The following POGLUT1 variants were observed in gnomAD, a reference collection of about 807,000 sequenced individuals.
POGLUT1 encodes the protein 9630046K23Rik.
In POGLUT1, 32 loss-of-function variants were observed where a neutral mutation model predicts 61.3. That is an observed-to-expected ratio of 0.52 (90% CI 0.39 to 0.70). The LOEUF (loss-of-function observed/expected upper bound fraction) is 0.70, where lower values mean the gene tolerates loss of function less well. Among genes scored for constraint, POGLUT1 ranks in the 30% least tolerant of loss-of-function variants. The pLI, the probability that POGLUT1 is intolerant of heterozygous loss-of-function variation, is 0.00. For synonymous variants in POGLUT1, 158 were observed against 158.2 expected, an observed-to-expected ratio of 1.00 and a Z score of 0.01; for missense variants, 411 against 469.8, an observed-to-expected ratio of 0.87 and a Z score of 1.16.
In POGLUT1 at chr3:119,485,315, T is replaced by C; in HGVS notation, c.579-13T>C. ...AAAGATATATTGAAACTAATTAAATTCTATATTCTTAGGTCAGCAGCACAG... is the reference window on the plus strand; with the variant it reads ...AAAGATATATTGAAACTAATTAAATCCTATATTCTTAGGTCAGCAGCACAG... On this transcript the variant is annotated splice_polypyrimidine_tract_variant and intron_variant, in intron 5 of 10. Transcript: ENST00000295588. 6.5e-7 allele frequency: 1 copy of C among 1,541,922 alleles called. No homozygotes were observed.
At chr3:119,491,342 G>GT (rs201814181) in intron 9 of POGLUT1, among the ~76,000 whole-genome samples, 176 bp from the exon 10 acceptor site, 126 of 148,730 alleles carry the variant, frequency 8.5e-4, no homozygotes, top group African/African-American at 2.9e-3. Context: ...AGTGTGTGGG[G>GT]GTTTTTTTTT....
intron 5 of POGLUT1, among the ~76,000 whole-genome samples, chr3:119,483,703 G>A (rs1325134626): frequency 6.6e-6 from 1 of 152,180 alleles, no homozygotes; most frequent in Non-Finnish European, 1.5e-5. Flanking sequence ...ATTTGGGGCT[G>A]GATAATTCTT....
chr3:119,474,536 A>C (rs1288910998), intron 3 of POGLUT1, among the ~76,000 whole-genome samples: 2 of 152,150 alleles, frequency 1.3e-5, no homozygotes, highest in African/African-American at 4.8e-5. Context: ...AAGAGAGTAT[A>C]TTTGAAAAGC....
intron 6 of POGLUT1, among the ~76,000 whole-genome samples, chr3:119,486,077 C>T (rs1009604672): frequency 3.3e-5 from 5 of 152,198 alleles, no homozygotes; most frequent in African/African-American, 9.7e-5. Flanking sequence ...CTCTTCACTT[C>T]GGAGCTAGAC....
At chr3:119,485,490 AG>A in intron 6 of POGLUT1, 103 bp downstream of exon 6, 1 of 647,380 alleles carries the variant, frequency 1.5e-6, no homozygotes, top group Non-Finnish European at 2.7e-6. Context: ...GGGAAAGCTA[AG>A]ATAACAAAGA....
chr3:119,474,292 T>C (rs2081510658), intron 3 of POGLUT1, among the ~76,000 whole-genome samples: 1 of 152,206 alleles, frequency 6.6e-6, no homozygotes, highest in South Asian at 2.1e-4. Flanking sequence ...TGTACAATTA[T>C]TATTTATCAA....
At chr3:119,478,873 C>T (rs2081572046) in intron 4 of POGLUT1, among the ~76,000 whole-genome samples, 1 of 144,040 alleles carries the variant, frequency 6.9e-6, no homozygotes, top group Non-Finnish European at 1.5e-5. Flanking sequence ...CTTTGGGAGG[C>T]CGAGGCAGGT....
At chr3:119,475,954 C>CACA (rs2081531305) in intron 3 of POGLUT1, among the ~76,000 whole-genome samples, 2 of 130,952 alleles carry the variant, frequency 1.5e-5, no homozygotes, top group Admixed American at 7.7e-5. Context: ...GACTGTCTCT[C>CACA]CACACACACA....
intron 4 of POGLUT1, 62 bp downstream of exon 4, chr3:119,477,510 A>G (rs750182071): frequency 7.9e-6 from 12 of 1,515,116 alleles, no homozygotes; most frequent in Non-Finnish European, 1.1e-5. Context: ...TGAGCATGAG[A>G]TCTTTGTCCG....
rs1478968465 is a variant in POGLUT1 at position 119,490,602 on chromosome 3, C to T, written c.849C>T (p.Leu283=). Residue 283 remains leucine (L), a synonymous_variant, in exon 9 of 11, where the codon CTC becomes CTT. Coordinates refer to ENST00000295588, the MANE Select transcript of POGLUT1 (RefSeq NM_152305.3). ...GVAASFRFKH[L]FLCGSLVFHV... ...CTGCAAGTTTCCGGTTTAAACACCT[C>T]TTCCTGTGTGGCTCACTTGTTTTCC... 1 of 1,614,164 alleles carries T rather than the reference C, an allele frequency of 6.2e-7. No individual in the cohort carries two copies. Among genetic ancestry groups the T allele is most frequent in the Non-Finnish European group, 8.5e-7 (1 of 1,179,992 alleles).
intron 3 of POGLUT1, among the ~76,000 whole-genome samples, chr3:119,475,983 CACACACACACAAACACAT>C (rs1275158687): frequency 2.8e-4 from 30 of 107,166 alleles, no homozygotes; most frequent in Admixed American, 3.9e-4. Flanking sequence ...CACACACACA[CACACACACACAAACACAT>C]ACAGAGTTGC....
In POGLUT1 at chr3:119,479,976, C is replaced by A. The variant is rs1335780612; in HGVS notation, c.457-75C>A. On this transcript the variant is annotated intron_variant, in intron 4 of 10. Transcript: ENST00000295588. ...ACACTAAACCAAGGCTGTCCAGATC[C>A]TGTGGCATGATTGCAGTTGCCTCTT... is the stretch of plus-strand genomic sequence containing the variant. The A allele has an allele frequency of 3.1e-6, 5 of 1,601,836 alleles. No individual in the cohort carries two copies. The African/African-American group carries it at 6.7e-5, about 21-fold the overall frequency.
rs769131679 is a variant in POGLUT1 at position 119,488,965 on chromosome 3, C to T, written c.775C>T (p.Leu259Phe). The T allele has an allele frequency of 2.0e-5, 32 of 1,590,938 alleles. No individual in the cohort carries two copies. The highest frequency in any genetic ancestry group is 2.7e-5 in the Non-Finnish European group (31 of 1,161,492). Reference sequence around the variant, plus strand: ...AAAGCCAGCTGCTAAGGATGTCCATCTTGTGGATCACTGCAAATACAAGTA... The same window carrying T: ...AAAGCCAGCTGCTAAGGATGTCCATTTTGTGGATCACTGCAAATACAAGTA... ...LGKPAAKDVH[L>F]VDHCKYKYLF... Residue 259 changes from leucine to phenylalanine, a missense_variant, in exon 8 of 11, where the codon CTT becomes TTT. Leu to Phe is a conservative substitution (Grantham distance 22). Coordinates refer to ENST00000295588, the MANE Select transcript of POGLUT1 (RefSeq NM_152305.3).
At chr3:119,482,139 C>G (rs74706342) in intron 5 of POGLUT1, among the ~76,000 whole-genome samples, 3,994 of 152,264 alleles carry the variant, frequency 0.026, 92 homozygotes, top group Middle Eastern at 0.085. Flanking sequence ...TCCTTTCCCC[C>G]CCTCCTCAGG....
chr3:119,479,892 CT>C, intron 4 of POGLUT1, 158 bp from the exon 5 acceptor site: 1 of 1,507,626 alleles, frequency 6.6e-7, no homozygotes. Context: ...TCACTTTTGC[CT>C]TTTAATGTCT....
chr3:119,478,473 A>G (rs1250912494), intron 4 of POGLUT1: 2 of 455,618 alleles, frequency 4.4e-6, no homozygotes, highest in East Asian at 6.9e-5. Flanking sequence ...AGAGGCTCCC[A>G]TGTAAGTCAG....
rs1304714681 is a variant in POGLUT1, at chr3:119,490,641, G to T, written c.888G>T (p.Glu296Asp). 1 of 1,613,920 alleles carries T rather than the reference G, an allele frequency of 6.2e-7. No homozygotes were observed. Among genetic ancestry groups the T allele is most frequent in the Admixed American group, 1.7e-5 (1 of 60,004 alleles). Residue 296 changes from glutamate to aspartate, a missense_variant, in exon 9 of 11, where the codon GAG becomes GAT. Physicochemically the swap from Glu to Asp is conservative, Grantham distance 45. Coordinates refer to ENST00000295588, the MANE Select transcript of POGLUT1 (RefSeq NM_152305.3). Reference sequence around the variant, plus strand: ...CACTTGTTTTCCATGTTGGTGATGAGTGGCTAGAATTCTTCTATCCACAGC... The same window carrying T: ...CACTTGTTTTCCATGTTGGTGATGATTGGCTAGAATTCTTCTATCCACAGC... ...CGSLVFHVGDEWLEFFYPQLK... is the reference protein window; with the variant it reads ...CGSLVFHVGDDWLEFFYPQLK...
chr3:119,474,876 A>G (rs2081517738), intron 3 of POGLUT1, among the ~76,000 whole-genome samples: 1 of 152,160 alleles, frequency 6.6e-6, no homozygotes, highest in African/African-American at 2.4e-5. Context: ...ATTAAAAGCC[A>G]AATGTGAAAG....
chr3:119,493,987 T>C lies in POGLUT1; in HGVS notation c.*1549T>C, dbSNP rs141889306. The C allele has an allele frequency of 4.6e-5, 7 of 152,218 alleles. No individual in the cohort carries two copies. Among genetic ancestry groups the C allele is most frequent in the Non-Finnish European group, 7.4e-5 (5 of 67,986 alleles). 9.4% of individuals were successfully genotyped at this position (152,218 alleles called of 1,614,324 possible). A position where few individuals can be genotyped will look rare whatever the true frequency, so the allele number is the denominator to read the frequency against. ...GAATTTTAATTTCCTCTCATTAAAA[T>C]AGGAACAAAATTTGCTATCCTTTAG... On this transcript the variant is annotated 3_prime_UTR_variant, in exon 11 of 11. Transcript: ENST00000295588.
Sources: allele counts gnomAD v4.1 joint callset (sites outside exome capture counted in the v4.1 genomes callset), GRCh38; gene constraint gnomAD v4.1.1; transcripts MANE v1.5; gene names NCBI Gene and HGNC (gene_info 2026-07-23, HGNC 2026-07-21).